Variants in TTPA observed in about 807,000 individuals in gnomAD.
TTPA encodes the protein alpha tocopherol transfer protein, also known as alpha-tocopherol transfer protein.
TTPA carries 23 observed loss-of-function variants against 25.9 expected under a neutral mutation model. That is an observed-to-expected ratio of 0.89 (90% CI 0.64 to 1.26). The LOEUF is 1.26. TTPA is among the 50% of genes most tolerant of loss of function. The pLI, the probability that TTPA is intolerant of heterozygous loss-of-function variation, is 0.00. For synonymous variants in TTPA, 148 were observed against 137.3 expected, an observed-to-expected ratio of 1.08 and a Z score of -0.54; for missense variants, 337 against 353.1, an observed-to-expected ratio of 0.95 and a Z score of 0.37.
At position 63,064,062 on chromosome 8, in the gene TTPA, T is replaced by C. The variant is rs1046482502; in HGVS notation, c.663+144A>G. On this transcript the variant is annotated intron_variant, in intron 4 of 4. Coordinates refer to ENST00000260116, the MANE Select transcript of TTPA (RefSeq NM_000370.3). The stretch of plus-strand genomic sequence containing the variant: ...TAAATTTTAATTTACTTTTTTTTAG[T>C]TGGCTTGTTAGATAAATATTCAAAA... 1.9e-5 allele frequency: 12 copies of C among 615,700 alleles called. No individual in the cohort carries two copies. The African/African-American group carries it at 2.1e-4, about 11-fold the overall frequency. 38.1% of individuals were successfully genotyped at this position (615,700 alleles called of 1,614,324 possible). A position where few individuals can be genotyped will look rare whatever the true frequency, so the allele number is the denominator to read the frequency against.
chr8:63,060,164 T>C lies in TTPA; in HGVS notation c.*1088A>G, dbSNP rs565546241. 1.3e-5 allele frequency: 2 copies of C among 152,358 alleles called. No homozygotes were observed. The highest frequency in any genetic ancestry group is 4.8e-5 in the African/African-American group (2 of 41,582). 9.4% of individuals were successfully genotyped at this position (152,358 alleles called of 1,614,324 possible). On this transcript the variant is annotated 3_prime_UTR_variant, in exon 5 of 5. Transcript: ENST00000260116. ...TCCTTTCCTTTGTGTAGTTACGTTA[T>C]TGTTAACTAAAAACAGTCCATGTAT...
intron 3 of TTPA, 71 bp downstream of exon 3, chr8:63,065,833 G>T: frequency 6.6e-7 from 1 of 1,507,104 alleles, no homozygotes; most frequent in Non-Finnish European, 9.2e-7. Flanking sequence ...GCTTCTCTTT[G>T]TCTAACATAT....
In TTPA at chr8:63,085,977, G is replaced by A. The variant is rs1488846769; in HGVS notation, c.45C>T (p.Asn15=). 2 of 1,503,738 alleles carry A rather than the reference G, an allele frequency of 1.3e-6. No individual in the cohort carries two copies. Among genetic ancestry groups the A allele is most frequent in the Non-Finnish European group, 1.8e-6 (2 of 1,134,748 alleles). The allele number at this position is 1,503,738 out of a possible 1,614,324, so 93.1% of individuals were successfully genotyped here. The change falls in exon 1 of 5, where the codon AAC becomes AAT. Residue 15 remains asparagine, a synonymous_variant. Transcript: ENST00000260116. The part of the protein sequence containing the change: ...RSQPSAGPQL[N]ALPDHSPLLQ... Reference sequence around the variant, plus strand: ...GCAACGGAGAGTGGTCCGGTAGCGCGTTGAGCTGCGGCCCCGCCGAGGGCT... The same window carrying A: ...GCAACGGAGAGTGGTCCGGTAGCGCATTGAGCTGCGGCCCCGCCGAGGGCT...
intron 3 of TTPA, among the ~76,000 whole-genome samples, chr8:63,065,384 T>C (rs562048028): frequency 8.5e-5 from 13 of 152,318 alleles, no homozygotes; most frequent in African/African-American, 2.9e-4. Flanking sequence ...ATAATGCATT[T>C]GAAACACTTA....
intron 2 of TTPA, among the ~76,000 whole-genome samples, chr8:63,071,501 G>A (rs1201569683): frequency 1.3e-5 from 2 of 152,206 alleles, no homozygotes; most frequent in Non-Finnish European, 2.9e-5. Context: ...TGGGAATAGT[G>A]TGAGTCGTTC....
rs750665523 is a variant in TTPA at position 63,073,082 on chromosome 8, T to C, written c.211A>G (p.Lys71Glu). The change falls in exon 2 of 5, where the codon AAA becomes GAA. Residue 71 changes from lysine (K) to glutamate (E), a missense_variant. Transcript: ENST00000260116. ...TCTGCTCTCCACTTATAATAGTTTT[T>C]TAGTAACTGAAAAATAAAATTAAAA... ...FDLDLAWRLL[K>E]NYYKWRAECP... The C allele has an allele frequency of 6.2e-7, 1 of 1,609,340 alleles. No individual in the cohort carries two copies.
chr8:63,082,470 A>C (rs1805679096), intron 1 of TTPA, among the ~76,000 whole-genome samples: 1 of 152,200 alleles, frequency 6.6e-6, no homozygotes, highest in East Asian at 1.9e-4. Context: ...TCCCTTCCTT[A>C]CATCTTATAC....
chr8:63,078,108 G>C (rs1805601434), intron 1 of TTPA, among the ~76,000 whole-genome samples: 1 of 151,438 alleles, frequency 6.6e-6, no homozygotes, highest in Non-Finnish European at 1.5e-5. Context: ...CTGTTAGAAG[G>C]AAAACTAACA....
In TTPA at chr8:63,065,934, G is replaced by A. The variant is rs772020906; in HGVS notation, c.522C>T (p.Ser174=). ...QFSHAFQITP[S]VAKKIAAVLT... Reference sequence around the variant, plus strand: ...GTACAGCAGCAATCTTCTTGGCTACGGATGGAGTGATTTGAAAAGCATGAG... The same window carrying A: ...GTACAGCAGCAATCTTCTTGGCTACAGATGGAGTGATTTGAAAAGCATGAG... Residue 174 remains serine, a synonymous_variant, in exon 3 of 5, where the codon TCC becomes TCT. Transcript: ENST00000260116. 6.9e-5 allele frequency: 111 copies of A among 1,613,908 alleles called. No individual in the cohort carries two copies. The highest frequency in any genetic ancestry group is 9.1e-5 in the Non-Finnish European group (107 of 1,179,992).
rs762517172 is a variant in TTPA at position 63,073,027 on chromosome 8, G to A, written c.266C>T (p.Pro89Leu). ...CTTTAGGAGGCCAATAATACTTCTAGGGTGTAGATCTGCACTTATTTCTGG... is the reference window on the plus strand; with the variant it reads ...CTTTAGGAGGCCAATAATACTTCTAAGGTGTAGATCTGCACTTATTTCTGG... ...ECPEISADLH[P>L]RSIIGLLKAG... Residue 89 changes from proline to leucine, a missense_variant, in exon 2 of 5, where the codon CCT (proline) becomes CTT (leucine). Pro to Leu is a moderately conservative substitution (Grantham distance 98). Coordinates refer to ENST00000260116, the MANE Select transcript of TTPA (RefSeq NM_000370.3). 1.2e-6 allele frequency: 2 copies of A among 1,613,642 alleles called. No homozygotes were observed. Among genetic ancestry groups the A allele is most frequent in the Non-Finnish European group, 1.7e-6 (2 of 1,179,684 alleles).
intron 1 of TTPA, among the ~76,000 whole-genome samples, chr8:63,083,286 A>G (rs1298961883): frequency 5.9e-5 from 9 of 152,202 alleles, no homozygotes; most frequent in Non-Finnish European, 1.3e-4. Flanking sequence ...GCACATATAC[A>G]CCATGTAATA....
In TTPA at chr8:63,082,772, C is replaced by T. The variant is rs138613958; in HGVS notation, c.204+3046G>A. Among the ~76,000 whole-genome samples, 682 of 152,244 alleles carry T rather than the reference C, an allele frequency of 4.5e-3. 4 individuals are homozygous for T. Among genetic ancestry groups the T allele is most frequent in the African/African-American group, 0.015 (638 of 41,528 alleles). ...ACAAAGGGCTAATATCCAGAATGTGCAAGGAACTTAAACAAATTTACAAGA... is the reference window on the plus strand; with the variant it reads ...ACAAAGGGCTAATATCCAGAATGTGTAAGGAACTTAAACAAATTTACAAGA... On this transcript the variant is annotated intron_variant, in intron 1 of 4. Transcript: ENST00000260116.
chr8:63,069,844 G>A (rs1202955838), intron 2 of TTPA, among the ~76,000 whole-genome samples: 1 of 152,110 alleles, frequency 6.6e-6, no homozygotes, highest in Non-Finnish European at 1.5e-5. Flanking sequence ...ATCATAGAAA[G>A]TTCTATGGTA....
chr8:63,065,821 T>C, intron 3 of TTPA, 83 bp downstream of exon 3: 1 of 1,412,184 alleles, frequency 7.1e-7, no homozygotes, highest in Non-Finnish European at 9.9e-7. Context: ...AAATGTACTT[T>C]TGCTTCTCTT....
At chr8:63,080,413 TAGA>T (rs1418932859) in intron 1 of TTPA, among the ~76,000 whole-genome samples, 1 of 152,146 alleles carries the variant, frequency 6.6e-6, no homozygotes, top group African/African-American at 2.4e-5. Flanking sequence ...ACAAAATTGA[TAGA>T]CTGCTAGCAA....
chr8:63,061,965 G>T (rs1805313486), intron 4 of TTPA, among the ~76,000 whole-genome samples: 1 of 152,150 alleles, frequency 6.6e-6, no homozygotes, highest in Non-Finnish European at 1.5e-5. Flanking sequence ...CACTTTGAGA[G>T]GCCAAGGCAG....
chr8:63,071,551 G>A (rs575732359), intron 2 of TTPA, among the ~76,000 whole-genome samples: 14 of 152,238 alleles, frequency 9.2e-5, no homozygotes, highest in Admixed American at 4.6e-4. Flanking sequence ...AGGTCTGAGG[G>A]AGGACAGAAG....
chr8:63,073,622 G>A (rs1367174183), intron 1 of TTPA, among the ~76,000 whole-genome samples: 1 of 152,168 alleles, frequency 6.6e-6, no homozygotes, highest in Non-Finnish European at 1.5e-5. Flanking sequence ...CCTCAGCCAA[G>A]TTCCCATCTA....
At chr8:63,079,257 T>A (rs924609886) in intron 1 of TTPA, among the ~76,000 whole-genome samples, 4 of 152,184 alleles carry the variant, frequency 2.6e-5, no homozygotes, top group African/African-American at 9.7e-5. Context: ...ATCAATGCTA[T>A]GAAGCAACTG....
Sources: gnomAD v4.1 joint callset for allele counts (sites outside exome capture counted in the v4.1 genomes callset) on GRCh38, gnomAD v4.1.1 for gene constraint, MANE v1.5 for transcripts, NCBI Gene and HGNC (gene_info 2026-07-23, HGNC 2026-07-21) for gene names.